Variants in DPYD observed in about 807,000 individuals in gnomAD.
DPYD encodes the protein dihydropyrimidine dehydrogenase.
DPYD carries 109 observed loss-of-function variants against 116.2 expected under a neutral mutation model. That is an observed-to-expected ratio of 0.94 (90% CI 0.80 to 1.10). The LOEUF is 1.10. Ranked by LOEUF, DPYD falls within the 50% of genes least tolerant of loss-of-function variation. The pLI, the probability that DPYD is intolerant of heterozygous loss-of-function variation, is 0.00. For missense variants in DPYD, 1,302 were observed against 1,254.5 expected (o/e 1.04, Z -0.57); for synonymous variants, 440 against 432.0 (o/e 1.02, Z -0.23).
At chr1:97,504,851 G>A (rs980179925) in intron 13 of DPYD, among the ~76,000 whole-genome samples, 3 of 145,894 alleles carry the variant, frequency 2.1e-5, no homozygotes, top group African/African-American at 5.0e-5. Context: ...TGGTGGTCAC[G>A]AGATCTGATC....
At chr1:97,111,591 A>C (rs895899734) in intron 20 of DPYD, among the ~76,000 whole-genome samples, 2 of 151,936 alleles carry the variant, frequency 1.3e-5, no homozygotes, top group African/African-American at 4.8e-5. Context: ...CTCTCGGACC[A>C]CCCAATCTAG....
chr1:97,700,496 A>G (rs772429041), intron 5 of DPYD, among the ~76,000 whole-genome samples: 1 of 152,028 alleles, frequency 6.6e-6, no homozygotes, highest in African/African-American at 2.4e-5. Context: ...AGTAGGGCAA[A>G]TGAGGGGTAA....
At chr1:97,529,588 G>A (rs77212630) in intron 12 of DPYD, among the ~76,000 whole-genome samples, 12 of 152,022 alleles carry the variant, frequency 7.9e-5, no homozygotes, top group African/African-American at 1.9e-4. Context: ...TACAATCCAC[G>A]TCACAAACAT....
intron 1 of DPYD, among the ~76,000 whole-genome samples, chr1:97,905,194 C>A (rs968691749): frequency 6.6e-6 from 1 of 151,950 alleles, no homozygotes; most frequent in Non-Finnish European, 1.5e-5. Flanking sequence ...CCAATATGCA[C>A]CTCTAACTAT....
chr1:97,778,151 C>T (rs1666521807), intron 3 of DPYD, among the ~76,000 whole-genome samples: 1 of 28,128 alleles, frequency 3.6e-5, no homozygotes, highest in African/African-American at 1.1e-4. Context: ...GAGTAAGACC[C>T]TGTCAAAAAA....
In DPYD at chr1:97,133,998, C is replaced by CAAA. The variant is rs1208967697; in HGVS notation, c.2623-35369_2623-35367dup. ...TGGGTCACAGAGCCAGACTCTGTTT[C>CAAA]AAAAAAAAAAAAAAAAATATATATA... On this transcript the variant is annotated intron_variant, in intron 20 of 22. Coordinates refer to ENST00000370192, the MANE Select transcript of DPYD (RefSeq NM_000110.4). 5.8e-4 allele frequency among the ~76,000 whole-genome samples: 10 copies of CAAA among 17,208 alleles called. 1 individual carries two copies. The highest frequency in any genetic ancestry group is 6.6e-3 in the South Asian group (2 of 302). 11.3% of individuals were successfully genotyped at this position (17,208 alleles called of 152,430 possible). A position where few individuals can be genotyped will look rare whatever the true frequency, so the allele number is the denominator to read the frequency against.
chr1:97,668,457 CTATT>C (rs1006102249), intron 8 of DPYD, among the ~76,000 whole-genome samples: 1 of 152,020 alleles, frequency 6.6e-6, no homozygotes, highest in African/African-American at 2.4e-5. Context: ...TGTAGCTATT[CTATT>C]TATTATATTT....
At chr1:97,363,882 A>G (rs960501136) in intron 16 of DPYD, among the ~76,000 whole-genome samples, 13 of 152,226 alleles carry the variant, frequency 8.5e-5, no homozygotes, top group African/African-American at 2.7e-4. Context: ...GCAAACCAAC[A>G]TGGCACATGT....
chr1:97,813,915 G>GACACACACAC (rs59229553), intron 3 of DPYD, among the ~76,000 whole-genome samples: 5 of 144,630 alleles, frequency 3.5e-5, no homozygotes, highest in African/African-American at 1.3e-4. Context: ...GAAACACACA[G>GACACACACAC]ACACACACAC....
At chr1:97,354,570 A>T (rs1260316786) in intron 16 of DPYD, among the ~76,000 whole-genome samples, 1 of 152,176 alleles carries the variant, frequency 6.6e-6, no homozygotes, top group African/African-American at 2.4e-5. Context: ...GAAATCAGAC[A>T]TGTGAAGCTT....
At chr1:97,399,765 T>A (rs12043428) in intron 14 of DPYD, among the ~76,000 whole-genome samples, 39,631 of 151,552 alleles carry the variant, frequency 0.26, 5,391 homozygotes, top group South Asian at 0.43. Flanking sequence ...TTATTGGTGT[T>A]TAAGAATGCT....
chr1:97,657,688 G>A (rs967542756), intron 8 of DPYD, among the ~76,000 whole-genome samples: 10 of 152,054 alleles, frequency 6.6e-5, no homozygotes, highest in Non-Finnish European at 8.8e-5. Flanking sequence ...AAGGAACCAC[G>A]GGCGTCTAGA....
chr1:97,359,839 A>G (rs1031792212), intron 16 of DPYD, among the ~76,000 whole-genome samples: 2 of 152,238 alleles, frequency 1.3e-5, no homozygotes, highest in African/African-American at 4.8e-5. Flanking sequence ...AACCAGTACC[A>G]GCCACTGCAA....
At chr1:97,802,859 T>TG (rs1667911350) in intron 3 of DPYD, among the ~76,000 whole-genome samples, 1 of 151,902 alleles carries the variant, frequency 6.6e-6, no homozygotes, top group Non-Finnish European at 1.5e-5. Flanking sequence ...CCTATGTCAA[T>TG]TTTTTTGTGA....
intron 19 of DPYD, among the ~76,000 whole-genome samples, chr1:97,200,816 T>C (rs1659149272): frequency 6.6e-6 from 1 of 152,170 alleles, no homozygotes; most frequent in Non-Finnish European, 1.5e-5. Flanking sequence ...GGTACACAGC[T>C]AGTTGGAGGC....
At chr1:97,486,354 C>T (rs528181217) in intron 13 of DPYD, among the ~76,000 whole-genome samples, 23 of 152,200 alleles carry the variant, frequency 1.5e-4, no homozygotes, top group South Asian at 1.5e-3. Flanking sequence ...TACTCCATTA[C>T]GTATGAAATA....
chr1:97,699,107 A>AAT, intron 6 of DPYD, among the ~76,000 whole-genome samples: 1 of 152,078 alleles, frequency 6.6e-6, no homozygotes, highest in East Asian at 1.9e-4. Flanking sequence ...TCAAAAAATA[A>AAT]TTTGCAGAGA....
intron 3 of DPYD, chr1:97,797,273 G>C (rs1248709323): frequency 6.6e-6 from 1 of 152,092 alleles, no homozygotes; most frequent in African/African-American, 2.4e-5. Context: ...CAGGCATGCA[G>C]CTGACAGCTC....
intron 3 of DPYD, among the ~76,000 whole-genome samples, chr1:97,800,858 C>A (rs1667811976): frequency 6.6e-6 from 1 of 151,878 alleles, no homozygotes; most frequent in Admixed American, 6.6e-5. Context: ...TTTCTTGGAG[C>A]CTCCTTAATA....
Sources: allele counts gnomAD v4.1 joint callset (sites outside exome capture counted in the v4.1 genomes callset), GRCh38; gene constraint gnomAD v4.1.1; transcripts MANE v1.5; gene names NCBI Gene and HGNC (gene_info 2026-07-23, HGNC 2026-07-21).